FAAP20: variants seen among roughly 807,000 people sequenced by gnomAD.
FAAP20 encodes the protein Fanconi anemia core complex-associated protein 20.
A neutral mutation model predicts 16.2 loss-of-function variants in FAAP20; 12 were observed. The ratio of observed to expected loss-of-function variants is 0.74; its 90% CI spans 0.48 to 1.20. FAAP20 has a LOEUF of 1.20. Ranked by LOEUF, FAAP20 falls within the 50% of genes most tolerant of loss-of-function variation. FAAP20 has a pLI of 0.00. For missense variants in FAAP20, 288 were observed against 245.8 expected (o/e 1.17, Z -1.15); for synonymous variants, 141 against 110.7 (o/e 1.27, Z -1.72).
chr1:2,197,896 C>T (rs1688886732), upstream of FAAP20: 11 of 1,152,370 alleles, frequency 9.5e-6, no homozygotes, highest in African/African-American at 3.2e-5. Context: ...CCCCCAATCC[C>T]CTCCCGCCTG....
At chr1:2,205,720 C>T (rs1689234929) in intron 3 of FAAP20, among the ~76,000 whole-genome samples, 2 of 152,240 alleles carry the variant, frequency 1.3e-5, no homozygotes, top group South Asian at 4.1e-4. Context: ...GGTGCCCCCG[C>T]TGCGCCGCAG....
downstream of FAAP20, among the ~76,000 whole-genome samples, chr1:2,187,754 T>G (rs1166404074): frequency 6.6e-6 from 1 of 152,016 alleles, no homozygotes; most frequent in Non-Finnish European, 1.5e-5. Flanking sequence ...TCACAGCTGC[T>G]GGGCCTGCCC....
downstream of FAAP20, among the ~76,000 whole-genome samples, chr1:2,186,660 G>A (rs1037169621): frequency 7.9e-5 from 12 of 152,182 alleles, no homozygotes; most frequent in African/African-American, 1.2e-4. Flanking sequence ...CCAGACCAGC[G>A]TGGGGATGCC....
downstream of FAAP20, among the ~76,000 whole-genome samples, chr1:2,186,621 G>T (rs1419300052): frequency 6.6e-6 from 1 of 151,760 alleles, no homozygotes; most frequent in African/African-American, 2.4e-5. Flanking sequence ...GCAGAGTCCA[G>T]GAGCCGACCT....
upstream of FAAP20, among the ~76,000 whole-genome samples, chr1:2,202,622 C>T (rs1244016595): frequency 6.6e-6 from 1 of 151,992 alleles, no homozygotes; most frequent in Non-Finnish European, 1.5e-5. Context: ...AGCCACCACA[C>T]CTGGTTAATT....
intron 3 of FAAP20, 156 bp from the exon 4 acceptor site, chr1:2,189,937 C>T (rs1572099248): frequency 4.5e-6 from 3 of 660,278 alleles, no homozygotes; most frequent in East Asian, 5.5e-5. Context: ...CTCATGCACC[C>T]GGCAGACCAC....
downstream of FAAP20, among the ~76,000 whole-genome samples, chr1:2,209,936 G>C (rs569633675): frequency 6.6e-6 from 1 of 152,338 alleles, no homozygotes; most frequent in Non-Finnish European, 1.5e-5. Flanking sequence ...CACAGAACCT[G>C]TCCTGGGCAC....
downstream of FAAP20, chr1:2,186,013 G>A (rs1236816380): frequency 9.3e-6 from 4 of 430,272 alleles, no homozygotes; most frequent in Non-Finnish European, 1.9e-5. Context: ...CCCCTCAGGT[G>A]AAGGCACAGC....
downstream of FAAP20, among the ~76,000 whole-genome samples, chr1:2,211,226 CTTTTTTTTT>C (rs56294751): frequency 3.0e-5 from 3 of 101,140 alleles, no homozygotes; most frequent in South Asian, 3.3e-4. Flanking sequence ...TTCTTTCTTT[CTTTTTTTTT>C]TTTTTTTTTT....
upstream of FAAP20, among the ~76,000 whole-genome samples, chr1:2,195,092 G>C (rs1688752807): frequency 6.6e-6 from 1 of 151,960 alleles, no homozygotes; most frequent in South Asian, 2.1e-4. Flanking sequence ...GCACCCAACA[G>C]CTCCCGCCCC....
downstream of FAAP20, among the ~76,000 whole-genome samples, chr1:2,211,114 C>T (rs937530299): frequency 7.9e-5 from 12 of 152,134 alleles, no homozygotes; most frequent in African/African-American, 2.2e-4. Flanking sequence ...CCTAGCAGAC[C>T]GTGCTGTACA....
upstream of FAAP20, chr1:2,200,447 G>A (rs201823642): frequency 5.9e-6 from 1 of 168,968 alleles, no homozygotes; most frequent in Non-Finnish European, 1.2e-5. Context: ...ACACAGGAAG[G>A]AGGCTTTGGG....
At chr1:2,188,168 G>C (rs958716395), downstream of FAAP20, among the ~76,000 whole-genome samples, 2 of 152,164 alleles carry the variant, frequency 1.3e-5, no homozygotes, top group African/African-American at 2.4e-5. Context: ...AGCTGAGCCC[G>C]CAAAGCCCGG....
chr1:2,200,536 C>G (rs1391240821), upstream of FAAP20: 2 of 774,128 alleles, frequency 2.6e-6, no homozygotes, highest in African/African-American at 1.9e-5. Flanking sequence ...CACCCAGAGC[C>G]TTTAGGCGGA....
chr1:2,204,379 G>A (rs1016689327), upstream of FAAP20, among the ~76,000 whole-genome samples: 128 of 152,368 alleles, frequency 8.4e-4, 1 homozygote, highest in Non-Finnish European at 2.4e-4. Context: ...GCCCCCTTCT[G>A]GGACGTGCCC....
upstream of FAAP20, chr1:2,203,332 T>C (rs1489773468): frequency 6.2e-6 from 5 of 807,232 alleles, no homozygotes; most frequent in Non-Finnish European, 7.5e-6. Flanking sequence ...GGCTTCTCCA[T>C]AGTGGGGCAG....
At chr1:2,201,579 G>A (rs760277129), upstream of FAAP20, among the ~76,000 whole-genome samples, 6 of 152,126 alleles carry the variant, frequency 3.9e-5, no homozygotes, top group Non-Finnish European at 8.8e-5. Context: ...AAATTTAGCC[G>A]GGCGTGGTGC....
upstream of FAAP20, among the ~76,000 whole-genome samples, chr1:2,202,161 C>G (rs1332365777): frequency 6.6e-6 from 1 of 152,240 alleles, no homozygotes; most frequent in Non-Finnish European, 1.5e-5. Context: ...CAGGAGGCCC[C>G]TGTGCAGACT....
At chr1:2,207,991 T>C (rs1411241417), downstream of FAAP20, among the ~76,000 whole-genome samples, 1 of 151,962 alleles carries the variant, frequency 6.6e-6, no homozygotes, top group African/African-American at 2.4e-5. Context: ...CATGTGAGCC[T>C]GTGTGTGCCC....
Sources: gnomAD v4.1 joint callset for allele counts (sites outside exome capture counted in the v4.1 genomes callset) on GRCh38, gnomAD v4.1.1 for gene constraint, MANE v1.5 for transcripts, NCBI Gene and HGNC (gene_info 2026-07-23, HGNC 2026-07-21) for gene names.